LHPP: variants seen among roughly 807,000 people sequenced by gnomAD.
LHPP encodes phospholysine phosphohistidine inorganic pyrophosphate phosphatase.
Under a neutral mutation model 30.3 loss-of-function variants are expected in LHPP, and 24 were observed. That is an observed-to-expected ratio of 0.79 (90% CI 0.57 to 1.11). The LOEUF is 1.11. Among genes scored for constraint, LHPP ranks in the 50% most tolerant of loss-of-function variants. The pLI, the probability that LHPP is intolerant of heterozygous loss-of-function variation, is 0.00. For missense variants in LHPP, 356 were observed against 367.2 expected (o/e 0.97, Z 0.25); for synonymous variants, 150 against 157.1 (o/e 0.95, Z 0.34).
intron 6 of LHPP, among the ~76,000 whole-genome samples, chr10:124,554,531 A>G (rs1260309886): frequency 2.0e-5 from 3 of 152,240 alleles, no homozygotes; most frequent in African/African-American, 7.2e-5. Flanking sequence ...TGGCAGTTTA[A>G]TAATGTGCAT....
intron 2 of LHPP, among the ~76,000 whole-genome samples, chr10:124,485,709 T>C (rs941517199): frequency 6.6e-6 from 1 of 152,114 alleles, no homozygotes; most frequent in Admixed American, 6.5e-5. Flanking sequence ...CAAGCGATTC[T>C]TCTGCCTCAG....
At chr10:124,581,763 G>GTA (rs371486829) in intron 6 of LHPP, among the ~76,000 whole-genome samples, 1 of 58,360 alleles carries the variant, frequency 1.7e-5, no homozygotes, top group African/African-American at 5.5e-5. Flanking sequence ...ATACATATAT[G>GTA]TATATACACA....
intron 6 of LHPP, among the ~76,000 whole-genome samples, chr10:124,584,914 G>A (rs1457966566): frequency 1.3e-5 from 2 of 152,056 alleles, no homozygotes; most frequent in Non-Finnish European, 2.9e-5. Context: ...GCGATGGGTC[G>A]CAGTCAAAAC....
intron 6 of LHPP, among the ~76,000 whole-genome samples, chr10:124,553,446 A>G (rs1290906100): frequency 7.0e-4 from 73 of 103,938 alleles, no homozygotes; most frequent in African/African-American, 2.1e-3. Flanking sequence ...GATTACAGCC[A>G]TTCTTTTTTT....
chr10:124,526,181 T>G, intron 6 of LHPP: 2 of 985,392 alleles, frequency 2.0e-6, no homozygotes, highest in Non-Finnish European at 1.2e-6. Flanking sequence ...AGGCACGTGC[T>G]CTGGACCTGG....
Position 124,484,190 on chromosome 10 carries a change from G to A in LHPP, c.177G>A (p.Lys59=), listed in dbSNP as rs1366047736. The change falls in exon 2 of 7, where the codon AAG becomes AAA. Residue 59 remains lysine (K), a synonymous_variant. Transcript: ENST00000368842. ...GGTTCTGCACCAACGAGTCGCAGAAGTCCCGGGCAGAGCTGGTGGGGCAGC... is the reference window on the plus strand; with the variant it reads ...GGTTCTGCACCAACGAGTCGCAGAAATCCCGGGCAGAGCTGGTGGGGCAGC... ...KVRFCTNESQ[K]SRAELVGQLQ... 1.2e-6 allele frequency: 2 copies of A among 1,614,004 alleles called. No individual in the cohort carries two copies. The highest frequency in any genetic ancestry group is 1.7e-6 in the Non-Finnish European group (2 of 1,180,048).
At chr10:124,520,047 A>G (rs1954571904) in intron 6 of LHPP, among the ~76,000 whole-genome samples, 1 of 151,810 alleles carries the variant, frequency 6.6e-6, no homozygotes, top group African/African-American at 2.4e-5. Flanking sequence ...GTTAGCCAGG[A>G]TGGTCTCGAT....
chr10:124,546,428 A>C (rs534860455), intron 6 of LHPP, among the ~76,000 whole-genome samples: 3 of 152,206 alleles, frequency 2.0e-5, no homozygotes, highest in Admixed American at 6.5e-5. Context: ...TTTGAGACGG[A>C]GTCTCACTCT....
At chr10:124,527,038 C>A (rs2015483) in intron 6 of LHPP, among the ~76,000 whole-genome samples, 127,280 of 152,174 alleles carry the variant, frequency 0.84, 53,382 homozygotes, top group East Asian at 1. Context: ...CTGGATGCCC[C>A]CAGGGCTGCC....
chr10:124,607,050 T>C (rs1010425507), intron 6 of LHPP, among the ~76,000 whole-genome samples: 6 of 152,150 alleles, frequency 3.9e-5, no homozygotes, highest in African/African-American at 1.4e-4. Context: ...TGGCCGTGTC[T>C]CTCTGTCTGT....
intron 6 of LHPP, among the ~76,000 whole-genome samples, chr10:124,601,373 T>C (rs983583942): frequency 3.3e-5 from 5 of 152,164 alleles, no homozygotes; most frequent in Non-Finnish European, 4.4e-5. Context: ...GTTTGAAAAG[T>C]TCTATGTGCG....
At chr10:124,511,762 A>G (rs1307048981) in intron 5 of LHPP, among the ~76,000 whole-genome samples, 2 of 152,144 alleles carry the variant, frequency 1.3e-5, no homozygotes, top group African/African-American at 2.4e-5. Flanking sequence ...TTCCTTGGTT[A>G]TCTGAAGGCC....
At chr10:124,559,742 C>T (rs1457462592) in intron 6 of LHPP, among the ~76,000 whole-genome samples, 1 of 152,246 alleles carries the variant, frequency 6.6e-6, no homozygotes, top group Non-Finnish European at 1.5e-5. Flanking sequence ...CTGGGGAGAT[C>T]AGTTCTTGGA....
chr10:124,464,857 G>A lies in LHPP; in HGVS notation c.125+2870G>A, dbSNP rs559574864. Among the ~76,000 whole-genome samples, 4 of 152,278 alleles carry A rather than the reference G, an allele frequency of 2.6e-5. No homozygotes were observed. The South Asian group carries it at 6.2e-4, about 24-fold the overall frequency. ...CTGAGAATTTGTCCTTGTCTCATGC[G>A]TGAGAAATGACATGAGTACAAGGTC... On this transcript the variant is annotated intron_variant, in intron 1 of 6. Coordinates refer to ENST00000368842, the MANE Select transcript of LHPP (RefSeq NM_022126.4).
intron 6 of LHPP, among the ~76,000 whole-genome samples, chr10:124,538,533 C>A (rs888572793): frequency 9.9e-5 from 15 of 152,208 alleles, no homozygotes; most frequent in African/African-American, 3.6e-4. Flanking sequence ...TCCCTCCCCC[C>A]AAGTGGTGGG....
At chr10:124,569,115 C>T (rs987764781) in intron 6 of LHPP, among the ~76,000 whole-genome samples, 2 of 152,224 alleles carry the variant, frequency 1.3e-5, no homozygotes, top group Non-Finnish European at 2.9e-5. Flanking sequence ...CACATGCACA[C>T]TGCCTGGGTG....
At chr10:124,543,482 C>A (rs1955255232) in intron 6 of LHPP, among the ~76,000 whole-genome samples, 1 of 152,242 alleles carries the variant, frequency 6.6e-6, no homozygotes, top group South Asian at 2.1e-4. Flanking sequence ...GGGAGCCCCA[C>A]AAGGGCTGAG....
At chr10:124,471,338 G>C (rs1388370412) in intron 1 of LHPP, among the ~76,000 whole-genome samples, 2 of 143,346 alleles carry the variant, frequency 1.4e-5, no homozygotes, top group Admixed American at 1.5e-4. Context: ...ATTCTTTGTA[G>C]CCTCAGAGCA....
rs773728057 is a variant in LHPP at position 124,484,094 on chromosome 10, C to T, written c.126-45C>T. 5.0e-6 allele frequency: 8 copies of T among 1,588,592 alleles called. No individual in the cohort carries two copies. In the East Asian group the frequency reaches 1.6e-4, roughly 31 times the overall value. ...CGCGCAACCTCCTTCAGAGGCCCAA[C>T]ACTCCACGTGCTGACTTCCCGGGCC... On this transcript the variant is annotated intron_variant, in intron 1 of 6. Transcript: ENST00000368842.
Sources: gnomAD v4.1 joint callset for allele counts (sites outside exome capture counted in the v4.1 genomes callset) on GRCh38, gnomAD v4.1.1 for gene constraint, MANE v1.5 for transcripts, NCBI Gene and HGNC (gene_info 2026-07-23, HGNC 2026-07-21) for gene names.